SLC5A12: variants seen among roughly 807,000 people sequenced by gnomAD.
The protein encoded by SLC5A12 is sodium-coupled monocarboxylate transporter 2.
A neutral mutation model predicts 72.7 loss-of-function variants in SLC5A12; 46 were observed. The ratio of observed to expected loss-of-function variants is 0.63; its 90% CI spans 0.50 to 0.81. SLC5A12 has a LOEUF of 0.81. SLC5A12 is among the 30% of genes least tolerant of loss of function. The probability of loss-of-function intolerance (pLI) is 0.00; values close to 1 mark genes in which losing one functional copy is unlikely to be tolerated. For missense variants in SLC5A12, 683 were observed against 740.7 expected (o/e 0.92, Z 0.90); for synonymous variants, 275 against 264.4 (o/e 1.04, Z -0.39).
chr11:26,692,580 A>T lies in SLC5A12; in HGVS notation c.1062T>A (p.Asn354Lys), dbSNP rs1482014845. The T allele has an allele frequency of 3.1e-6, 5 of 1,613,866 alleles. No individual in the cohort carries two copies. Among genetic ancestry groups the T allele is most frequent in the Non-Finnish European group, 4.2e-6 (5 of 1,179,848 alleles). ...CCTCAAAGGTCACTGTTGCCAAGGCATTGATGCTGGAAGCCACGGTGCTAT... is the reference window on the plus strand; with the variant it reads ...CCTCAAAGGTCACTGTTGCCAAGGCTTTGATGCTGGAAGCCACGGTGCTAT... ...GTLSTVASSI[N>K]ALATVTFEDF... The change falls in exon 9 of 15, where the codon AAT (asparagine) becomes AAA (lysine). Residue 354 changes from asparagine to lysine, a missense_variant. Coordinates refer to ENST00000396005, the MANE Select transcript of SLC5A12 (RefSeq NM_178498.4).
rs1305168251 is a variant in SLC5A12, at chr11:26,676,354, GAAAACAAAAAAA to G, written c.1579+2346_1579+2357del. Among the ~76,000 whole-genome samples the G allele has an allele frequency of 3.7e-5, 4 of 107,294 alleles. No homozygotes were observed. The East Asian group carries it at 7.8e-4, about 21-fold the overall frequency. 70.4% of individuals were successfully genotyped at this position (107,294 alleles called of 152,430 possible). ...AATAAATGGGCAAGCTCTGTTTCTA[GAAAACAAAAAAA>G]AAAAAAAAAAAAGAAAACAGGTAGT... On this transcript the variant is annotated intron_variant, in intron 13 of 14. Coordinates refer to ENST00000396005, the MANE Select transcript of SLC5A12 (RefSeq NM_178498.4).
intron 6 of SLC5A12, among the ~76,000 whole-genome samples, chr11:26,699,573 T>C (rs1479377826): frequency 6.6e-6 from 1 of 152,218 alleles, no homozygotes; most frequent in African/African-American, 2.4e-5. Context: ...CAATGATTTT[T>C]ATGTGTTTGT....
Position 26,669,019 on chromosome 11 carries a change from A to G in SLC5A12, c.*2083T>C, listed in dbSNP as rs1340925726. The G allele has an allele frequency of 6.6e-6, 1 of 151,642 alleles. No homozygotes were observed. Among genetic ancestry groups the G allele is most frequent in the African/African-American group, 2.4e-5 (1 of 41,350 alleles). 9.4% of individuals were successfully genotyped at this position (151,642 alleles called of 1,614,324 possible). A position where few individuals can be genotyped will look rare whatever the true frequency, so the allele number is the denominator to read the frequency against. On this transcript the variant is annotated 3_prime_UTR_variant, in exon 15 of 15. Transcript: ENST00000396005. ...ATGCTATCCCAAGTGGAAGTTCACA[A>G]TCCTGATGTATTCCAAATCATATTT...
intron 1 of SLC5A12, among the ~76,000 whole-genome samples, chr11:26,719,249 T>C (rs577494570): frequency 1.7e-4 from 26 of 152,362 alleles, no homozygotes; most frequent in Middle Eastern, 3.4e-3. Flanking sequence ...TAACTTTTTA[T>C]TGTAAAGTTA....
chr11:26,678,647 C>T, intron 13 of SLC5A12, 65 bp downstream of exon 13: 1 of 1,157,582 alleles, frequency 8.6e-7, no homozygotes, highest in Non-Finnish European at 1.3e-6. Flanking sequence ...GACAGACAGC[C>T]AGTCCACCAA....
chr11:26,719,581 C>G (rs1214529911), intron 1 of SLC5A12, among the ~76,000 whole-genome samples: 4 of 152,166 alleles, frequency 2.6e-5, no homozygotes, highest in African/African-American at 9.7e-5. Flanking sequence ...TCCAAGCACA[C>G]TGATTTCTTT....
Position 26,667,721 on chromosome 11 carries a change from A to G in SLC5A12, c.*3381T>C, listed in dbSNP as rs757576809. ...GTTTTCTCTCTTTTCAGAATTTAGG[A>G]CCTTTAGAAAAGTTACTCTCTGGAA... On this transcript the variant is annotated 3_prime_UTR_variant, in exon 15 of 15. Coordinates refer to ENST00000396005, the MANE Select transcript of SLC5A12 (RefSeq NM_178498.4). The G allele has an allele frequency of 2.0e-5, 3 of 151,928 alleles. No homozygotes were observed. Among genetic ancestry groups the G allele is most frequent in the Non-Finnish European group, 4.4e-5 (3 of 67,922 alleles). 9.4% of individuals were successfully genotyped at this position (151,928 alleles called of 1,614,324 possible).
At chr11:26,680,106 A>G (rs1052890129) in intron 12 of SLC5A12, among the ~76,000 whole-genome samples, 3 of 151,524 alleles carry the variant, frequency 2.0e-5, no homozygotes, top group African/African-American at 7.3e-5. Context: ...AGAAGCCTGG[A>G]CTCAGAGGGA....
At chr11:26,671,331 C>A in intron 14 of SLC5A12, 80 bp from the exon 15 acceptor site, 4 of 1,276,292 alleles carry the variant, frequency 3.1e-6, no homozygotes, top group Non-Finnish European at 2.1e-6. Context: ...TTGTTTAGGC[C>A]TTGGCTTCAA....
chr11:26,669,185 TC>T lies in SLC5A12; in HGVS notation c.*1916del, dbSNP rs1854072753. On this transcript the variant is annotated 3_prime_UTR_variant, in exon 15 of 15. Transcript: ENST00000396005. ...CCTGTCTTTTTCTTTCTTTCTTTCT[TC>T]TTTTCTTTCTTTCTTTCTTTCTTTC... 1 of 82,450 alleles carries T rather than the reference TC, an allele frequency of 1.2e-5. No homozygotes were observed. Among genetic ancestry groups the T allele is most frequent in the Non-Finnish European group, 3.0e-5 (1 of 33,008 alleles). The allele number at this position is 82,450 out of a possible 1,614,324, so 5.1% of individuals were successfully genotyped here.
At chr11:26,709,766 T>A (rs1855177599) in intron 3 of SLC5A12, among the ~76,000 whole-genome samples, 1 of 152,094 alleles carries the variant, frequency 6.6e-6, no homozygotes, top group Non-Finnish European at 1.5e-5. Context: ...GAGGTTCCAC[T>A]AGGAAGACTC....
At chr11:26,686,362 G>T in intron 10 of SLC5A12, 115 bp downstream of exon 10, 1 of 779,398 alleles carries the variant, frequency 1.3e-6, no homozygotes, top group Non-Finnish European at 2.1e-6. Context: ...TTTTTAATTT[G>T]GAGCTGGTAT....
intron 13 of SLC5A12, 150 bp from the exon 14 acceptor site, chr11:26,673,679 T>A: frequency 9.8e-7 from 1 of 1,023,850 alleles, no homozygotes; most frequent in Non-Finnish European, 1.3e-6. Flanking sequence ...ATTGGTTAAC[T>A]GCTGAAAGGG....
At position 26,681,196 on chromosome 11, in the gene SLC5A12, C is replaced by T. The variant is rs1854404537; in HGVS notation, c.1334G>A (p.Gly445Glu). ...GGCCACCCAAAATGACAAGGTGATT[C>T]CAGTAAGAAGACCTCCTAGTGCACC... ...WKGALGGLLT[G>E]ITLSFWVAIG... Residue 445 changes from glycine to glutamate, a missense_variant, in exon 12 of 15, where the codon GGA becomes GAA. Gly to Glu is a moderately conservative substitution (Grantham distance 98). Coordinates refer to ENST00000396005, the MANE Select transcript of SLC5A12 (RefSeq NM_178498.4). 1.2e-6 allele frequency: 2 copies of T among 1,604,408 alleles called. No individual in the cohort carries two copies. Among genetic ancestry groups the T allele is most frequent in the Non-Finnish European group, 1.7e-6 (2 of 1,175,606 alleles).
intron 8 of SLC5A12, among the ~76,000 whole-genome samples, chr11:26,693,948 G>C (rs527422013): frequency 4.6e-5 from 7 of 152,188 alleles, no homozygotes; most frequent in African/African-American, 1.7e-4. Flanking sequence ...GAGAGAAGGG[G>C]ATTAAATAAA....
intron 1 of SLC5A12, among the ~76,000 whole-genome samples, chr11:26,713,442 T>C (rs1855278944): frequency 6.6e-6 from 1 of 151,622 alleles, no homozygotes; most frequent in Non-Finnish European, 1.5e-5. Context: ...AAAGTCTTAG[T>C]CATCTGTCAA....
rs1238137910 is a variant in SLC5A12, at chr11:26,722,008, A to C, written c.-294T>G. On this transcript the variant is annotated 5_prime_UTR_variant, in exon 1 of 15. Transcript: ENST00000396005. ...CTGCTCCTCTCCTAAAGCATATGCC[A>C]CAGAGAAGGAATTCAGATGTGTTCT... The C allele has an allele frequency of 8.2e-6, 3 of 366,208 alleles. No homozygotes were observed. Among genetic ancestry groups the C allele is most frequent in the Non-Finnish European group, 1.5e-5 (3 of 202,280 alleles). 22.7% of individuals were successfully genotyped at this position (366,208 alleles called of 1,614,324 possible). A position where few individuals can be genotyped will look rare whatever the true frequency, so the allele number is the denominator to read the frequency against.
rs7128823 is a variant in SLC5A12 at position 26,671,195 on chromosome 11, G to A, written c.1764C>T (p.Asn588=). ...RKQGAESVLQ[N]GLRRESLVHV... ...GTACCAGGCTTTCTCTTCTGAGTCC[G>A]TTCTGTAAGACAGATTCAGCCCCCT... Residue 588 remains asparagine (N), a synonymous_variant, in exon 15 of 15, where the codon AAC becomes AAT. Transcript: ENST00000396005. The A allele has an allele frequency of 0.28, 450,689 of 1,606,770 alleles. 64,675 individuals carry two copies. Among genetic ancestry groups the A allele is most frequent in the East Asian group, 0.42 (18,600 of 44,480 alleles).
chr11:26,698,947 G>A (rs1242107332), intron 6 of SLC5A12, among the ~76,000 whole-genome samples: 3 of 152,122 alleles, frequency 2.0e-5, no homozygotes, highest in Non-Finnish European at 4.4e-5. Context: ...TTTCCAGAGA[G>A]ATAATGAGCT....
Sources: gnomAD v4.1 joint callset for allele counts (sites outside exome capture counted in the v4.1 genomes callset) on GRCh38, gnomAD v4.1.1 for gene constraint, MANE v1.5 for transcripts, NCBI Gene and HGNC (gene_info 2026-07-23, HGNC 2026-07-21) for gene names.